The following FRMPD4 variants were observed in gnomAD, a reference collection of about 807,000 sequenced individuals.
The protein encoded by FRMPD4 is FERM and PDZ domain-containing protein 4.
FRMPD4 carries 22 observed loss-of-function variants against 94.1 expected under a neutral mutation model. The observed-to-expected ratio is 0.23, with a 90% CI of 0.17 to 0.33. The LOEUF (loss-of-function observed/expected upper bound fraction) is 0.33. Ranked by LOEUF, FRMPD4 falls within the 10% of genes least tolerant of loss-of-function variation. The probability of loss-of-function intolerance (pLI) is 1.00; values close to 1 mark genes in which losing one functional copy is unlikely to be tolerated. For synonymous variants in FRMPD4, 631 were observed against 548.6 expected, an observed-to-expected ratio of 1.15 and a Z score of -2.10; for missense variants, 1,111 against 1,339.9, an observed-to-expected ratio of 0.83 and a Z score of 2.67.
intron 1 of FRMPD4, among the ~76,000 whole-genome samples, chrX:12,458,989 CAA>C (rs2057364167): frequency 8.9e-6 from 1 of 111,880 alleles, no homozygotes; most frequent in Non-Finnish European, 1.9e-5. Flanking sequence ...AAGTACAAAA[CAA>C]TATAACTCCA....
intron 2 of FRMPD4, among the ~76,000 whole-genome samples, chrX:12,563,857 A>T (rs984545305): frequency 8.9e-5 from 10 of 112,263 alleles, no homozygotes; most frequent in African/African-American, 3.2e-4. Context: ...TAGGGACTGA[A>T]TTGGTAATAA....
At chrX:12,206,036 T>A (rs1204897375) in intron 1 of FRMPD4, among the ~76,000 whole-genome samples, 1 of 112,102 alleles carries the variant, frequency 8.9e-6, no homozygotes, top group East Asian at 2.8e-4. Flanking sequence ...CTAATAAGTG[T>A]GTTTTTCTGC....
chrX:12,526,717 T>C (rs1322858059), intron 2 of FRMPD4, among the ~76,000 whole-genome samples: 1 of 112,460 alleles, frequency 8.9e-6, no homozygotes, highest in Non-Finnish European at 1.9e-5. Context: ...ATTCTTGTGT[T>C]TTCAAGACAG....
chrX:12,332,321 G>A (rs2055443040), intron 1 of FRMPD4, among the ~76,000 whole-genome samples: 2 of 102,464 alleles, frequency 2.0e-5, no homozygotes, highest in South Asian at 4.2e-4. Flanking sequence ...AGAAAAGGCC[G>A]GAAAAAACCT....
intron 1 of FRMPD4, among the ~76,000 whole-genome samples, chrX:12,197,259 A>G (rs889891671): frequency 7.2e-5 from 8 of 111,044 alleles, no homozygotes; most frequent in African/African-American, 2.6e-4. Flanking sequence ...AAGCCATGAC[A>G]CACTTTAAAT....
intron 7 of FRMPD4, among the ~76,000 whole-genome samples, chrX:12,688,103 C>T (rs1486169402): frequency 2.7e-5 from 3 of 112,101 alleles, no homozygotes; most frequent in Non-Finnish European, 5.6e-5. Context: ...TCTGTTACTT[C>T]ACAGTCAATA....
At chrX:12,472,032 C>A (rs1377282168) in intron 1 of FRMPD4, among the ~76,000 whole-genome samples, 1 of 112,303 alleles carries the variant, frequency 8.9e-6, no homozygotes, top group Non-Finnish European at 1.9e-5. Context: ...CTGTGCTGGG[C>A]ACAATTTGTG....
At chrX:12,158,270 C>T (rs2055967693) in intron 1 of FRMPD4, among the ~76,000 whole-genome samples, 1 of 111,491 alleles carries the variant, frequency 9.0e-6, no homozygotes, top group South Asian at 3.8e-4. Flanking sequence ...TTGTAAACAT[C>T]CTACCAGAAA....
chrX:12,510,698 C>T (rs944638518), intron 2 of FRMPD4, among the ~76,000 whole-genome samples: 1 of 112,494 alleles, frequency 8.9e-6, no homozygotes, highest in African/African-American at 3.2e-5. Flanking sequence ...TTTTGCATAC[C>T]TGTTATCAAT....
At chrX:12,264,726 A>G (rs1296340994) in intron 1 of FRMPD4, among the ~76,000 whole-genome samples, 2 of 112,278 alleles carry the variant, frequency 1.8e-5, no homozygotes, top group Admixed American at 1.9e-4. Context: ...AAGATTGCCT[A>G]CAGCTACTGT....
chrX:12,061,213 A>G (rs1314703695), intron 3 of FRMPD4, among the ~76,000 whole-genome samples: 1 of 111,993 alleles, frequency 8.9e-6, no homozygotes, highest in African/African-American at 3.2e-5. Flanking sequence ...GAAGGTGACC[A>G]GGAAAAACAC....
At chrX:12,188,554 C>T (rs1306162928) in intron 1 of FRMPD4, among the ~76,000 whole-genome samples, 2 of 111,787 alleles carry the variant, frequency 1.8e-5, no homozygotes, top group African/African-American at 6.5e-5. Context: ...AGGAATATGG[C>T]ATTGAACTAA....
chrX:11,840,851 G>A (rs997043070), intron 1 of FRMPD4, among the ~76,000 whole-genome samples: 146 of 105,640 alleles, frequency 1.4e-3, no homozygotes, highest in African/African-American at 4.6e-3. Flanking sequence ...CCATTAACTC[G>A]TCATTTAGCA....
chrX:11,878,944 TAA>T (rs1237736241), intron 3 of FRMPD4, among the ~76,000 whole-genome samples: 1 of 112,324 alleles, frequency 8.9e-6, no homozygotes, highest in Admixed American at 9.4e-5. Context: ...TCCAGATTGA[TAA>T]AAGTCATTGC....
chrX:12,623,207 G>GA (rs1569370632), intron 4 of FRMPD4, among the ~76,000 whole-genome samples: 1 of 5,112 alleles, frequency 2.0e-4, no homozygotes, highest in Admixed American at 2.2e-3. Context: ...AGAAAGAAAG[G>GA]AAGGAAGGAA....
intron 1 of FRMPD4, among the ~76,000 whole-genome samples, chrX:11,849,843 GA>G (rs2053610028): frequency 9.0e-6 from 1 of 111,098 alleles, no homozygotes; most frequent in East Asian, 2.8e-4. Flanking sequence ...AAACATAGGA[GA>G]AAAACTTCAT....
At chrX:12,335,619 A>G (rs1279463676) in intron 1 of FRMPD4, among the ~76,000 whole-genome samples, 2 of 111,028 alleles carry the variant, frequency 1.8e-5, no homozygotes, top group African/African-American at 6.6e-5. Flanking sequence ...AGATGCTTTC[A>G]CTATCTACTC....
intron 1 of FRMPD4, among the ~76,000 whole-genome samples, chrX:12,456,063 G>T (rs1851633200): frequency 9.0e-6 from 1 of 111,616 alleles, no homozygotes; most frequent in Non-Finnish European, 1.9e-5. Flanking sequence ...CAAAGTGCTG[G>T]GATTACAGGC....
At chrX:11,970,516 A>G (rs2054334461) in intron 3 of FRMPD4, among the ~76,000 whole-genome samples, 1 of 112,318 alleles carries the variant, frequency 8.9e-6, no homozygotes, top group African/African-American at 3.2e-5. Flanking sequence ...CTGACTGACT[A>G]TGTTGGAAAC....
Sources: allele counts gnomAD v4.1 joint callset (sites outside exome capture counted in the v4.1 genomes callset), GRCh38; gene constraint gnomAD v4.1.1; transcripts MANE v1.5; gene names NCBI Gene and HGNC (gene_info 2026-07-23, HGNC 2026-07-21).